Variants in ATRNL1 observed in about 807,000 individuals in gnomAD.
ATRNL1 encodes the protein attractin like 1.
Under a neutral mutation model 182.7 loss-of-function variants are expected in ATRNL1, and 95 were observed. The ratio of observed to expected loss-of-function variants is 0.52; its 90% CI spans 0.44 to 0.62. The LOEUF is 0.62. ATRNL1 is among the 20% of genes least tolerant of loss of function. The pLI, the probability that ATRNL1 is intolerant of heterozygous loss-of-function variation, is 0.00. For synonymous variants in ATRNL1, 576 were observed against 568.3 expected (o/e 1.01, Z -0.19); for missense variants, 1,471 against 1,679.5 (o/e 0.88, Z 2.17).
intron 8 of ATRNL1, among the ~76,000 whole-genome samples, chr10:115,202,159 C>T (rs1284191669): frequency 2.0e-5 from 3 of 152,106 alleles, no homozygotes; most frequent in Admixed American, 2.0e-4. Flanking sequence ...TCTAGATATA[C>T]AATCATGTCA....
intron 20 of ATRNL1, among the ~76,000 whole-genome samples, chr10:115,424,702 T>C (rs1004577052): frequency 6.6e-6 from 1 of 152,156 alleles, no homozygotes; most frequent in Non-Finnish European, 1.5e-5. Flanking sequence ...ATCTCACTTA[T>C]ATGTAGACTC....
At chr10:115,131,861 A>G (rs1343410009) in intron 5 of ATRNL1, among the ~76,000 whole-genome samples, 2 of 152,208 alleles carry the variant, frequency 1.3e-5, no homozygotes, top group Non-Finnish European at 2.9e-5. Flanking sequence ...TACCCTCTAG[A>G]AACTTGGGTT....
chr10:115,301,950 T>G lies in ATRNL1; in HGVS notation c.2725T>G (p.Cys909Gly), dbSNP rs1853490031. The change falls in exon 17 of 29, where the codon TGC (cysteine) becomes GGC (glycine). Residue 909 changes from cysteine (C) to glycine (G), a missense_variant. Around this residue, in one of 3 missense-constraint regions of ATRNL1, gnomAD observed 1,031 missense variants for 1,156.0 expected, o/e 0.89. Transcript: ENST00000355044. ...CTSNGMECMWCSSTKRCVDSN... is the reference protein window; with the variant it reads ...CTSNGMECMWGSSTKRCVDSN... ...AAGCAATGGCATGGAGTGTATGTGG[T>G]GCAGCAGTACGAAACGATGTGTTGA... The G allele has an allele frequency of 6.2e-7, 1 of 1,614,034 alleles. No individual in the cohort carries two copies. The highest frequency in any genetic ancestry group is 1.7e-5 in the Admixed American group (1 of 59,990).
chr10:115,426,260 G>C lies in ATRNL1; in HGVS notation c.3280G>C (p.Glu1094Gln), dbSNP rs1346937964. ...KGDQCQLCDS[E>Q]NRYVGNPLRG... ...TTTGTGTTTCTGCAGATGTGACTCT[G>C]AAAATCGCTATGTTGGTAATCCACT... is the stretch of plus-strand genomic sequence containing the variant. The change falls in exon 21 of 29, where the codon GAA (glutamate) becomes CAA (glutamine). Residue 1094 changes from glutamate to glutamine, a missense_variant. Glu to Gln is a conservative substitution (Grantham distance 29). Around this residue, in one of 3 missense-constraint regions of ATRNL1, gnomAD observed 437 missense variants for 506.0 expected, o/e 0.86. Transcript: ENST00000355044. The C allele has an allele frequency of 6.2e-7, 1 of 1,612,248 alleles. No individual in the cohort carries two copies. Among genetic ancestry groups the C allele is most frequent in the African/African-American group, 1.3e-5 (1 of 74,890 alleles).
At chr10:115,171,602 GA>G (rs1390224671) in intron 8 of ATRNL1, among the ~76,000 whole-genome samples, 1 of 151,894 alleles carries the variant, frequency 6.6e-6, no homozygotes, top group Admixed American at 6.6e-5. Context: ...ATTTATGAAC[GA>G]AGTACTGAAA....
Position 115,702,494 on chromosome 10 carries a change from A to G in ATRNL1, c.3796-24754A>G, listed in dbSNP as rs571066341. 7.9e-5 allele frequency among the ~76,000 whole-genome samples: 12 copies of G among 152,086 alleles called. No homozygotes were observed. In the South Asian group the frequency reaches 2.5e-3, roughly 31 times the overall value. Reference sequence around the variant, plus strand: ...CAAATTATCTCGCTTTGCTGATGATATAATTCTATACTTAGGAAACACTAA... The same window carrying G: ...CAAATTATCTCGCTTTGCTGATGATGTAATTCTATACTTAGGAAACACTAA... On this transcript the variant is annotated intron_variant, in intron 26 of 28. Transcript: ENST00000355044.
intron 27 of ATRNL1, among the ~76,000 whole-genome samples, chr10:115,777,541 A>G (rs1407351151): frequency 6.6e-6 from 1 of 152,146 alleles, no homozygotes; most frequent in African/African-American, 2.4e-5. Context: ...AATTGACCCA[A>G]ATTCCATGGT....
At chr10:115,098,392 C>T (rs563295303) in intron 1 of ATRNL1, among the ~76,000 whole-genome samples, 1 of 148,494 alleles carries the variant, frequency 6.7e-6, no homozygotes, top group African/African-American at 2.5e-5. Flanking sequence ...ACTCTTTCCT[C>T]TCTGGTCTTT....
At chr10:115,915,247 A>C (rs1199660223) in intron 28 of ATRNL1, among the ~76,000 whole-genome samples, 3 of 151,996 alleles carry the variant, frequency 2.0e-5, no homozygotes, top group Non-Finnish European at 4.4e-5. Flanking sequence ...AATACAAAAA[A>C]ATTAGCCAGG....
chr10:115,767,821 C>G (rs1163548637), intron 27 of ATRNL1, among the ~76,000 whole-genome samples: 2 of 152,136 alleles, frequency 1.3e-5, no homozygotes, highest in Admixed American at 6.6e-5. Context: ...GGATCTCAAT[C>G]CTGACTGCAT....
intron 21 of ATRNL1, among the ~76,000 whole-genome samples, chr10:115,453,960 GA>G (rs373668315): frequency 6.7e-6 from 1 of 149,884 alleles, no homozygotes; most frequent in Non-Finnish European, 1.5e-5. Context: ...TAATAAAAAA[GA>G]AAAAAAAAGA....
chr10:115,282,842 A>C (rs1441595962), intron 14 of ATRNL1, among the ~76,000 whole-genome samples: 1 of 151,164 alleles, frequency 6.6e-6, no homozygotes, highest in Admixed American at 6.6e-5. Context: ...ATTATACTTT[A>C]AGTTCTGGGG....
intron 26 of ATRNL1, among the ~76,000 whole-genome samples, chr10:115,665,450 C>T (rs574236163): frequency 4.0e-5 from 6 of 151,816 alleles, no homozygotes; most frequent in South Asian, 2.1e-4. Context: ...TACAGACCTG[C>T]GTAAGTATTT....
chr10:115,641,330 G>A (rs1859233092), intron 26 of ATRNL1, among the ~76,000 whole-genome samples: 1 of 151,976 alleles, frequency 6.6e-6, no homozygotes, highest in Non-Finnish European at 1.5e-5. Flanking sequence ...ACTCTTCCAG[G>A]CTGGAATATA....
At chr10:115,459,652 T>TTGGTCCTG (rs1441935087) in intron 21 of ATRNL1, among the ~76,000 whole-genome samples, 2 of 152,182 alleles carry the variant, frequency 1.3e-5, no homozygotes, top group Non-Finnish European at 2.9e-5. Context: ...TAATTTCGCC[T>TTGGTCCTG]TGGTCCTGTG....
At chr10:115,919,228 T>A (rs1367907885) in intron 28 of ATRNL1, among the ~76,000 whole-genome samples, 1 of 152,160 alleles carries the variant, frequency 6.6e-6, no homozygotes, top group Admixed American at 6.5e-5. Context: ...AAAAGAGGTG[T>A]TCCAATTCTA....
intron 19 of ATRNL1, among the ~76,000 whole-genome samples, chr10:115,368,018 C>G (rs1554946648): frequency 6.6e-6 from 1 of 152,154 alleles, no homozygotes; most frequent in African/African-American, 2.4e-5. Context: ...CAGAGGCAGG[C>G]AGGCCTCCTT....
chr10:115,515,994 A>T (rs1197751362), intron 24 of ATRNL1, among the ~76,000 whole-genome samples: 1 of 151,738 alleles, frequency 6.6e-6, no homozygotes, highest in Non-Finnish European at 1.5e-5. Context: ...TCTTAGAGAT[A>T]ATTTCTCCTG....
intron 8 of ATRNL1, among the ~76,000 whole-genome samples, chr10:115,196,288 A>G (rs545322069): frequency 1.3e-5 from 2 of 152,266 alleles, no homozygotes; most frequent in Admixed American, 1.3e-4. Context: ...TTTGTACTCT[A>G]TTCTGGTCCA....
Sources: allele counts gnomAD v4.1 joint callset (sites outside exome capture counted in the v4.1 genomes callset), GRCh38; gene constraint gnomAD v4.1.1; regional missense constraint gnomAD v4.1.1; transcripts MANE v1.5; gene names NCBI Gene and HGNC (gene_info 2026-07-23, HGNC 2026-07-21).